Variants in GREB1 observed in about 807,000 individuals in gnomAD.
The protein encoded by GREB1 is growth regulating estrogen receptor binding 1, also known as protein GREB1.
Under a neutral mutation model 200.7 loss-of-function variants are expected in GREB1, and 106 were observed. The observed-to-expected ratio is 0.53, with a 90% CI of 0.45 to 0.62. The LOEUF is 0.62. GREB1 is among the 20% of genes least tolerant of loss of function. The probability of loss-of-function intolerance (pLI) is 0.00; values close to 1 mark genes in which losing one functional copy is unlikely to be tolerated. For synonymous variants in GREB1, 1,132 were observed against 1,092.4 expected (o/e 1.04, Z -0.72); for missense variants, 2,243 against 2,556.8 (o/e 0.88, Z 2.65).
chr2:11,634,411 G>A (rs1474658839), intron 29 of GREB1, 62 bp downstream of exon 29: 8 of 1,302,144 alleles, frequency 6.1e-6, no homozygotes, highest in Non-Finnish European at 8.7e-6. Context: ...TCCTGAGTGA[G>A]GGCAGCCTGG....
intron 1 of GREB1, among the ~76,000 whole-genome samples, chr2:11,551,241 G>A (rs902375858): frequency 6.6e-6 from 1 of 152,194 alleles, no homozygotes; most frequent in Non-Finnish European, 1.5e-5. Context: ...TTGATATGGT[G>A]AAACAAACCC....
chr2:11,626,877 G>A lies in GREB1; in HGVS notation c.4307-85G>A, dbSNP rs1684501968. Reference sequence around the variant, plus strand: ...AGAATCCTGTTGTCTGGTCATTTGAGCATTTTTGGTTTCTGTTTGAGCAGG... The same window carrying A: ...AGAATCCTGTTGTCTGGTCATTTGAACATTTTTGGTTTCTGTTTGAGCAGG... On this transcript the variant is annotated intron_variant, in intron 24 of 32. Coordinates refer to ENST00000381486, the MANE Select transcript of GREB1 (RefSeq NM_014668.4). 2.3e-5 allele frequency: 32 copies of A among 1,390,168 alleles called. 1 individual carries two copies. The South Asian group carries it at 3.4e-4, about 15-fold the overall frequency. 86.1% of individuals were successfully genotyped at this position (1,390,168 alleles called of 1,614,324 possible).
rs549067629 is a variant in GREB1 at position 11,632,172 on chromosome 2, AG to A, written c.4816+60del. 2.0e-4 allele frequency: 243 copies of A among 1,207,712 alleles called. 2 individuals are homozygous for A. In the South Asian group the frequency reaches 2.9e-3, roughly 15 times the overall value. 74.8% of individuals were successfully genotyped at this position (1,207,712 alleles called of 1,614,324 possible). On this transcript the variant is annotated intron_variant, in intron 27 of 32. Coordinates refer to ENST00000381486, the MANE Select transcript of GREB1 (RefSeq NM_014668.4). ...ACTCCTGTGAACGAACACTTGAGAG[AG>A]TGTTCTAGAGACAAAAGTTAAACAT...
At chr2:11,530,913 G>T (rs1277715602), upstream of GREB1, among the ~76,000 whole-genome samples, 1 of 152,152 alleles carries the variant, frequency 6.6e-6, no homozygotes, top group Non-Finnish European at 1.5e-5. Flanking sequence ...GCCAGGAAGG[G>T]TGGGGAAGTT....
intron 23 of GREB1, 151 bp downstream of exon 23, chr2:11,621,158 G>A (rs1298201460): frequency 1.6e-6 from 1 of 620,858 alleles, no homozygotes; most frequent in African/African-American, 1.8e-5. Context: ...TATTTATCTT[G>A]TAGTCATTTT....
At chr2:11,486,287 A>C (rs1054571232) in intron 1 of GREB1, among the ~76,000 whole-genome samples, 3 of 152,112 alleles carry the variant, frequency 2.0e-5, no homozygotes, top group Non-Finnish European at 4.4e-5. Flanking sequence ...CTGGACATAC[A>C]CATATATTGT....
At chr2:11,533,549 G>A (rs571668849), upstream of GREB1, among the ~76,000 whole-genome samples, 13 of 152,252 alleles carry the variant, frequency 8.5e-5, no homozygotes, top group Admixed American at 2.0e-4. Context: ...AACAGAAGCC[G>A]GGAACAACAA....
At chr2:11,591,391 TC>T in intron 10 of GREB1, 1 of 734,456 alleles carries the variant, frequency 1.4e-6, no homozygotes, top group South Asian at 1.5e-5. Context: ...CGCACTTTCT[TC>T]CAGCACATCA....
At position 11,634,486 on chromosome 2, in the gene GREB1, T is replaced by A. The variant is rs540350926; in HGVS notation, c.5210+137T>A. On this transcript the variant is annotated intron_variant, in intron 29 of 32. Coordinates refer to ENST00000381486, the MANE Select transcript of GREB1 (RefSeq NM_014668.4). ...TTGCTCTCCGTTGTCCCAGTTTTTT[T>A]AGTGCTGAATAATTTTGAGTATTCG... is the stretch of plus-strand genomic sequence containing the variant. 4.7e-6 allele frequency: 3 copies of A among 634,704 alleles called. 1 individual carries two copies. In the East Asian group the frequency reaches 8.2e-5, roughly 17 times the overall value. The allele number at this position is 634,704 out of a possible 1,614,324, so 39.3% of individuals were successfully genotyped here. A position where few individuals can be genotyped will look rare whatever the true frequency, so the allele number is the denominator to read the frequency against.
intron 1 of GREB1, among the ~76,000 whole-genome samples, chr2:11,483,453 G>A (rs1672567319): frequency 6.6e-6 from 1 of 152,100 alleles, no homozygotes; most frequent in African/African-American, 2.4e-5. Flanking sequence ...GTGTGTGTGT[G>A]TGTATCTGCC....
At position 11,631,940 on chromosome 2, in the gene GREB1, C is replaced by T. The variant is rs1684909482; in HGVS notation, c.4643C>T (p.Thr1548Ile). Residue 1548 changes from threonine to isoleucine, a missense_variant, in exon 27 of 33, where the codon ACT (threonine) becomes ATT (isoleucine). Around this residue, in one of 3 missense-constraint regions of GREB1, gnomAD observed 478 missense variants for 616.3 expected, o/e 0.78. Coordinates refer to ENST00000381486, the MANE Select transcript of GREB1 (RefSeq NM_014668.4). ...GAATATATAAAAAGTCCGACATTCA[C>T]TCCAACCACCGGCCGTCACGAACAT... is the stretch of plus-strand genomic sequence containing the variant. ...SHEYIKSPTF[T>I]PTTGRHEHGL... is the part of the protein sequence containing the mutation. 6.2e-7 allele frequency: 1 copy of T among 1,614,066 alleles called. No homozygotes were observed. The highest frequency in any genetic ancestry group is 8.5e-7 in the Non-Finnish European group (1 of 1,179,938).
intron 22 of GREB1, among the ~76,000 whole-genome samples, 194 bp from the exon 23 acceptor site, chr2:11,620,711 T>C (rs1486351200): frequency 6.6e-6 from 1 of 152,218 alleles, no homozygotes; most frequent in African/African-American, 2.4e-5. Context: ...AGGAAGGCCT[T>C]ATGCTCGTGG....
intron 1 of GREB1, among the ~76,000 whole-genome samples, chr2:11,522,966 A>G (rs1211370988): frequency 2.0e-5 from 3 of 152,236 alleles, no homozygotes; most frequent in Non-Finnish European, 4.4e-5. Context: ...AAGATATGGA[A>G]TCAACCTAGA....
At chr2:11,484,585 TAAAAAA>T (rs750148535) in intron 1 of GREB1, among the ~76,000 whole-genome samples, 40 of 7,784 alleles carry the variant, frequency 5.1e-3, no homozygotes, top group East Asian at 0.012. Flanking sequence ...TCTCATCTCT[TAAAAAA>T]CAAAAAAAAA....
At chr2:11,506,214 C>G (rs974074576) in intron 1 of GREB1, among the ~76,000 whole-genome samples, 1 of 152,312 alleles carries the variant, frequency 6.6e-6, no homozygotes, top group East Asian at 1.9e-4. Flanking sequence ...CAAATCATCT[C>G]ATGTGTTCTT....
intron 1 of GREB1, among the ~76,000 whole-genome samples, chr2:11,543,549 A>G (rs1674959488): frequency 6.6e-6 from 1 of 152,144 alleles, no homozygotes; most frequent in Non-Finnish European, 1.5e-5. Flanking sequence ...AAGCAGCATA[A>G]CCATGAATCA....
chr2:11,637,233 TTTCTC>T (rs1458730110), intron 30 of GREB1, among the ~76,000 whole-genome samples: 1 of 152,048 alleles, frequency 6.6e-6, no homozygotes, highest in African/African-American at 2.4e-5. Context: ...GTTCCAGACT[TTTCTC>T]TAGGACTCAC....
chr2:11,564,929 A>C (rs1677468575), intron 3 of GREB1, among the ~76,000 whole-genome samples: 1 of 152,128 alleles, frequency 6.6e-6, no homozygotes, highest in African/African-American at 2.4e-5. Flanking sequence ...GGTGTGGGGA[A>C]ACTCCCCTTT....
At chr2:11,584,549 A>T (rs1407583144) in intron 7 of GREB1, among the ~76,000 whole-genome samples, 1 of 152,200 alleles carries the variant, frequency 6.6e-6, no homozygotes, top group Non-Finnish European at 1.5e-5. Flanking sequence ...CGATAACAAT[A>T]ATGATGGTAG....
Sources: allele counts gnomAD v4.1 joint callset (sites outside exome capture counted in the v4.1 genomes callset), GRCh38; gene constraint gnomAD v4.1.1; regional missense constraint gnomAD v4.1.1; transcripts MANE v1.5; gene names NCBI Gene and HGNC (gene_info 2026-07-23, HGNC 2026-07-21).